POLN: variants seen among roughly 807,000 people sequenced by gnomAD.
POLN encodes the protein DNA polymerase nu.
Under a neutral mutation model 113.5 loss-of-function variants are expected in POLN, and 108 were observed. The ratio of observed to expected loss-of-function variants is 0.95; its 90% CI spans 0.81 to 1.12. The LOEUF is 1.12. Ranked by LOEUF, POLN falls within the 50% of genes most tolerant of loss-of-function variation. The pLI is 0.00. For synonymous variants in POLN, 386 were observed against 391.5 expected (o/e 0.99, Z 0.17); for missense variants, 1,097 against 1,077.1 (o/e 1.02, Z -0.26).
chr4:2,199,850 T>C (rs1253361548), intron 5 of POLN, among the ~76,000 whole-genome samples: 1 of 152,204 alleles, frequency 6.6e-6, no homozygotes. Context: ...GTGCTAGGAT[T>C]ACAGGTGTGA....
chr4:2,074,461 T>C (rs750001240), intron 24 of POLN, among the ~76,000 whole-genome samples: 1 of 152,186 alleles, frequency 6.6e-6, no homozygotes, highest in Non-Finnish European at 1.5e-5. Flanking sequence ...TGGGAACGTT[T>C]TCTTTCCTTT....
intron 2 of POLN, chr4:2,231,888 A>T (rs957506079): frequency 1.1e-6 from 1 of 879,660 alleles, no homozygotes; most frequent in Non-Finnish European, 1.8e-6. Flanking sequence ...CTAATAAATA[A>T]AAGAGGACAC....
At chr4:2,204,742 A>G (rs1733802931) in intron 5 of POLN, among the ~76,000 whole-genome samples, 1 of 152,222 alleles carries the variant, frequency 6.6e-6, no homozygotes, top group East Asian at 1.9e-4. Flanking sequence ...ATAATCCACC[A>G]TGATCAAGTG....
intron 4 of POLN, among the ~76,000 whole-genome samples, chr4:2,210,984 C>T (rs545995475): frequency 3.3e-4 from 49 of 150,624 alleles, no homozygotes; most frequent in African/African-American, 1.1e-3. Flanking sequence ...GGCACGGTGG[C>T]TCATGCCTTT....
At chr4:2,222,468 C>T (rs1462980347) in intron 3 of POLN, among the ~76,000 whole-genome samples, 2 of 152,008 alleles carry the variant, frequency 1.3e-5, no homozygotes, top group Admixed American at 1.3e-4. Flanking sequence ...GGTCCGGAGG[C>T]GGAGGTTAAA....
chr4:2,218,538 G>A (rs921090610), intron 3 of POLN, among the ~76,000 whole-genome samples: 1 of 152,112 alleles, frequency 6.6e-6, no homozygotes, highest in African/African-American at 2.4e-5. Context: ...TGGTTGTGGT[G>A]GGCCCCAGAA....
intron 20 of POLN, among the ~76,000 whole-genome samples, chr4:2,090,807 G>A (rs1330297181): frequency 6.6e-6 from 1 of 152,198 alleles, no homozygotes; most frequent in Non-Finnish European, 1.5e-5. Flanking sequence ...TGGCTTCTGG[G>A]TTGTTTGAAG....
At chr4:2,199,444 C>T (rs1733658441) in intron 5 of POLN, among the ~76,000 whole-genome samples, 1 of 152,088 alleles carries the variant, frequency 6.6e-6, no homozygotes, top group African/African-American at 2.4e-5. Context: ...ACATCAACAT[C>T]ATTTGCTTAA....
chr4:2,163,606 G>A (rs969456030), intron 13 of POLN, among the ~76,000 whole-genome samples: 2 of 152,210 alleles, frequency 1.3e-5, no homozygotes, highest in African/African-American at 4.8e-5. Context: ...TCAGTTTCTC[G>A]GAGTTTAACT....
chr4:2,143,512 G>T (rs898371274), intron 16 of POLN, among the ~76,000 whole-genome samples: 2 of 152,136 alleles, frequency 1.3e-5, no homozygotes, highest in Non-Finnish European at 2.9e-5. Flanking sequence ...GAGATAATGT[G>T]AGCAACTGTA....
intron 5 of POLN, among the ~76,000 whole-genome samples, chr4:2,199,038 T>C (rs1441852350): frequency 1.3e-5 from 2 of 152,276 alleles, no homozygotes; most frequent in East Asian, 3.9e-4. Flanking sequence ...GTAGAAAATC[T>C]AAAGGAACCT....
intron 2 of POLN, among the ~76,000 whole-genome samples, chr4:2,235,078 G>T (rs185894218): frequency 6.6e-6 from 1 of 152,286 alleles, no homozygotes; most frequent in East Asian, 1.9e-4. Flanking sequence ...TAGAGATGGG[G>T]TTTCACCACC....
At chr4:2,140,359 G>A (rs981860931) in intron 16 of POLN, among the ~76,000 whole-genome samples, 3 of 152,184 alleles carry the variant, frequency 2.0e-5, no homozygotes, top group Admixed American at 6.5e-5. Flanking sequence ...TTACAGGTGT[G>A]AGCCACCGTG....
In POLN at chr4:2,116,994, C is replaced by T. The variant is rs148851888; in HGVS notation, c.1982+11119G>A. Among the ~76,000 whole-genome samples, 355 of 152,318 alleles carry T rather than the reference C, an allele frequency of 2.3e-3. 2 individuals are homozygous for T. The highest frequency in any genetic ancestry group is 3.4e-3 in the Middle Eastern group (1 of 294). On this transcript the variant is annotated intron_variant, in intron 19 of 25. Coordinates refer to ENST00000511885, the MANE Select transcript of POLN (RefSeq NM_181808.4). The stretch of plus-strand genomic sequence containing the variant: ...AACAAATAGTTGCACCTGTGCTATA[C>T]GGTAAGGACAGCCTAAGTTATGCTC...
At chr4:2,154,836 T>C (rs1732385287) in intron 16 of POLN, among the ~76,000 whole-genome samples, 1 of 152,188 alleles carries the variant, frequency 6.6e-6, no homozygotes, top group African/African-American at 2.4e-5. Flanking sequence ...TGGAATACAA[T>C]GCAGCTGTTA....
chr4:2,228,471 T>TG (rs1456802621), intron 3 of POLN: 3 of 210,392 alleles, frequency 1.4e-5, no homozygotes, highest in South Asian at 4.8e-5. Flanking sequence ...CCCAAGTAGC[T>TG]GGACTACAGG....
chr4:2,180,206 T>G (rs906428105), intron 7 of POLN, among the ~76,000 whole-genome samples: 4 of 152,138 alleles, frequency 2.6e-5, no homozygotes, highest in African/African-American at 9.7e-5. Flanking sequence ...GTGATATACA[T>G]GAGAAAATGC....
rs747184067 is a variant in POLN at position 2,147,643 on chromosome 4, C to CTT, written c.1731+9143_1731+9144dup. 9.1e-4 allele frequency among the ~76,000 whole-genome samples: 72 copies of CTT among 79,360 alleles called. 3 individuals are homozygous for CTT. Among genetic ancestry groups the CTT allele is most frequent in the East Asian group, 3.6e-3 (11 of 3,086 alleles). The allele number at this position is 79,360 out of a possible 152,430, so 52.1% of individuals were successfully genotyped here. ...AGATCAGACATCCAGTTTTTCTTTT[C>CTT]TTTTTTTTTTTTTTTTGAGACAAAG... is the stretch of plus-strand genomic sequence containing the variant. On this transcript the variant is annotated intron_variant, in intron 16 of 25. Coordinates refer to ENST00000511885, the MANE Select transcript of POLN (RefSeq NM_181808.4).
At chr4:2,124,920 A>C (rs1731541579) in intron 19 of POLN, among the ~76,000 whole-genome samples, 2 of 152,230 alleles carry the variant, frequency 1.3e-5, no homozygotes, top group South Asian at 4.1e-4. Flanking sequence ...TGTTTTAAGA[A>C]GCAAGAAAGA....
Sources: allele counts gnomAD v4.1 joint callset (sites outside exome capture counted in the v4.1 genomes callset), GRCh38; gene constraint gnomAD v4.1.1; transcripts MANE v1.5; gene names NCBI Gene and HGNC (gene_info 2026-07-23, HGNC 2026-07-21).